The following PCDHA9 variants were observed in gnomAD, a reference collection of about 807,000 sequenced individuals.
The protein encoded by PCDHA9 is protocadherin alpha-9.
PCDHA9 carries 62 observed loss-of-function variants against 62.0 expected under a neutral mutation model. That is an observed-to-expected ratio of 1.00 (90% CI 0.81 to 1.23). The LOEUF (loss-of-function observed/expected upper bound fraction) is 1.23. Among genes scored for constraint, PCDHA9 ranks in the 50% most tolerant of loss-of-function variants. The probability of loss-of-function intolerance (pLI) is 0.00; values close to 1 mark genes in which losing one functional copy is unlikely to be tolerated. For missense variants in PCDHA9, 1,205 were observed against 1,249.8 expected (o/e 0.96, Z 0.54); for synonymous variants, 557 against 567.6 (o/e 0.98, Z 0.27).
In PCDHA9 at chr5:141,010,032, T is replaced by C. The variant is rs529237892; in HGVS notation, c.*95T>C. 6.3e-7 allele frequency: 1 copy of C among 1,582,368 alleles called. No individual in the cohort carries two copies. Among genetic ancestry groups the C allele is most frequent in the African/African-American group, 1.4e-5 (1 of 73,468 alleles). On this transcript the variant is annotated 3_prime_UTR_variant, in exon 4 of 4. Transcript: ENST00000532602. ...TCCCTGCTCCTTTTTCCTATCTACA[T>C]GAGCCCTCTTAGAGACCTCAGAAAT...
intron 1 of PCDHA9, among the ~76,000 whole-genome samples, chr5:140,890,620 A>G (rs1554184472): frequency 6.6e-6 from 1 of 152,196 alleles, no homozygotes; most frequent in East Asian, 1.9e-4. Flanking sequence ...TTACCCTAGA[A>G]AATTAAGCAT....
At chr5:140,901,474 T>C (rs2068694853) in intron 1 of PCDHA9, among the ~76,000 whole-genome samples, 1 of 152,216 alleles carries the variant, frequency 6.6e-6, no homozygotes, top group Admixed American at 6.5e-5. Context: ...CTCGAGTTTA[T>C]GTTCTTGGCA....
intron 1 of PCDHA9, among the ~76,000 whole-genome samples, chr5:140,906,616 T>G (rs1339811951): frequency 6.6e-6 from 1 of 152,228 alleles, no homozygotes. Flanking sequence ...GTATTCCCTT[T>G]GCCTTCAGCA....
rs180683275 is a variant in PCDHA9 at position 140,985,540 on chromosome 5, T to C, written c.2542+2977T>C. 7.6e-3 allele frequency among the ~76,000 whole-genome samples: 1,162 copies of C among 152,268 alleles called. 7 individuals are homozygous for C. The highest frequency in any genetic ancestry group is 0.012 in the Non-Finnish European group (785 of 68,010). On this transcript the variant is annotated intron_variant, in intron 3 of 3. Coordinates refer to ENST00000532602, the MANE Select transcript of PCDHA9 (RefSeq NM_031857.2). ...TGCCCTTAAAGCTTCACGGTGAAGATGCAGTTGCTTCCAAAAGGCTTCTTT... is the reference window on the plus strand; with the variant it reads ...TGCCCTTAAAGCTTCACGGTGAAGACGCAGTTGCTTCCAAAAGGCTTCTTT...
intron 1 of PCDHA9, among the ~76,000 whole-genome samples, chr5:140,875,095 G>A (rs2055270565): frequency 6.6e-6 from 1 of 152,156 alleles, no homozygotes; most frequent in Non-Finnish European, 1.5e-5. Context: ...AATTGTTGAT[G>A]TTTTGTTACT....
chr5:141,009,601 A>T (rs1223112014), intron 3 of PCDHA9, 26 bp from the exon 4 acceptor site: 6 of 1,607,482 alleles, frequency 3.7e-6, no homozygotes, highest in Non-Finnish European at 5.1e-6. Flanking sequence ...GACCCTGTTA[A>T]TGATTTGTAA....
At chr5:140,899,884 T>C (rs1467670856) in intron 1 of PCDHA9, among the ~76,000 whole-genome samples, 17 of 152,152 alleles carry the variant, frequency 1.1e-4, no homozygotes, top group African/African-American at 3.9e-4. Flanking sequence ...CAGAACTCAG[T>C]GCAGCCTTGA....
chr5:140,882,882 T>C (rs1554175954), intron 1 of PCDHA9: 2 of 1,614,206 alleles, frequency 1.2e-6, no homozygotes, highest in Non-Finnish European at 1.7e-6. Context: ...AGAGAGGAAA[T>C]TCAGGAACAT....
chr5:140,963,873 C>A (rs757553114), intron 1 of PCDHA9, among the ~76,000 whole-genome samples: 5 of 152,188 alleles, frequency 3.3e-5, no homozygotes, highest in Non-Finnish European at 5.9e-5. Flanking sequence ...GTTTTGCTTA[C>A]TATTGTTTTC....
At position 140,983,424 on chromosome 5, in the gene PCDHA9, A is replaced by G. The variant is rs115903969; in HGVS notation, c.2542+861A>G. On this transcript the variant is annotated intron_variant, in intron 3 of 3. Transcript: ENST00000532602. ...GGAAGATTAAGTGTTGGTAGAGACC[A>G]CAAATTGTGTCTACTCTAATCCTCT... Among the ~76,000 whole-genome samples, 1,234 of 152,366 alleles carry G rather than the reference A, an allele frequency of 8.1e-3. 22 individuals are homozygous for G. Among genetic ancestry groups the G allele is most frequent in the African/African-American group, 0.028 (1,160 of 41,578 alleles).
chr5:140,901,852 T>G (rs1184166361), intron 1 of PCDHA9, among the ~76,000 whole-genome samples: 3 of 152,206 alleles, frequency 2.0e-5, no homozygotes, highest in Non-Finnish European at 4.4e-5. Flanking sequence ...TCTTTCCATT[T>G]TTTTGTGTCC....
chr5:140,884,385 C>T (rs1554181508), intron 1 of PCDHA9: 1 of 1,613,992 alleles, frequency 6.2e-7, no homozygotes, highest in Non-Finnish European at 8.5e-7. Context: ...GCCATCTGCG[C>T]GGTGTCCAGC....
rs80155737 is a variant in PCDHA9, at chr5:140,924,458, T to C, written c.2395-54491T>C. Among the ~76,000 whole-genome samples, 1,228 of 152,310 alleles carry C rather than the reference T, an allele frequency of 8.1e-3. 6 individuals are homozygous for C. Among genetic ancestry groups the C allele is most frequent in the African/African-American group, 0.019 (794 of 41,566 alleles). On this transcript the variant is annotated intron_variant, in intron 1 of 3. Coordinates refer to ENST00000532602, the MANE Select transcript of PCDHA9 (RefSeq NM_031857.2). The stretch of plus-strand genomic sequence containing the variant: ...GAGATAACGAATGGGTTTGTGTGTT[T>C]AGGGAGGTAACTGGTTTTTAGTGGA...
At position 141,001,667 on chromosome 5, in the gene PCDHA9, A is replaced by G. The variant is rs949508860; in HGVS notation, c.2543-7960A>G. ...GTGTGGGAGAAGGCGGAGCTTGTCC[A>G]GTCGGTCCAACAAACCCCACAGATG... is the stretch of plus-strand genomic sequence containing the variant. On this transcript the variant is annotated intron_variant, in intron 3 of 3. Coordinates refer to ENST00000532602, the MANE Select transcript of PCDHA9 (RefSeq NM_031857.2). Among the ~76,000 whole-genome samples, 9 of 152,268 alleles carry G rather than the reference A, an allele frequency of 5.9e-5. 1 individual carries two copies. In the East Asian group the frequency reaches 1.7e-3, roughly 29 times the overall value.
intron 1 of PCDHA9, chr5:140,869,187 C>G (rs782446170): frequency 2.5e-6 from 4 of 1,613,830 alleles, no homozygotes; most frequent in African/African-American, 1.3e-5. Flanking sequence ...AGGTGGGGAG[C>G]GGCCAGCTCC....
At position 140,870,817 on chromosome 5, in the gene PCDHA9, G is replaced by C. The variant is rs782095168; in HGVS notation, c.2394+19928G>C. On this transcript the variant is annotated intron_variant, in intron 1 of 3. Coordinates refer to ENST00000532602, the MANE Select transcript of PCDHA9 (RefSeq NM_031857.2). ...ACTGCTGGCGACTCAGGCTGGCAGCGCGGGAGGCGCAGTTAACAAGCTAGT... is the reference window on the plus strand; with the variant it reads ...ACTGCTGGCGACTCAGGCTGGCAGCCCGGGAGGCGCAGTTAACAAGCTAGT... The C allele has an allele frequency of 9.9e-6, 16 of 1,613,726 alleles. No individual in the cohort carries two copies. In the South Asian group the frequency reaches 1.3e-4, roughly 13 times the overall value.
Position 140,850,528 on chromosome 5 carries a change from C to T in PCDHA9, c.2033C>T (p.Ser678Leu), listed in dbSNP as rs1228882569. 1 of 1,598,306 alleles carries T rather than the reference C, an allele frequency of 6.3e-7. No homozygotes were observed. The highest frequency in any genetic ancestry group is 1.3e-5 in the African/African-American group (1 of 74,470). ...GTGGAGAGCGGCCAGGCGCCAAAGT[C>T]ATCGTCGCGGGCGTCAGTGGGTGCC... The part of the protein sequence containing the change: ...SLVESGQAPK[S>L]SSRASVGATG... Residue 678 changes from serine to leucine, a missense_variant, in exon 1 of 4, where the codon TCA becomes TTA. Transcript: ENST00000532602.
At position 140,857,279 on chromosome 5, in the gene PCDHA9, G is replaced by A. The variant is rs782434219; in HGVS notation, c.2394+6390G>A. 6 of 1,598,610 alleles carry A rather than the reference G, an allele frequency of 3.8e-6. No homozygotes were observed. Among genetic ancestry groups the A allele is most frequent in the Admixed American group, 1.7e-5 (1 of 59,324 alleles). Reference sequence around the variant, plus strand: ...TTACTACTCATTGGTGCTGGACAGCGCTCTGGACCGCGAGAGGGTGTCGGC... The same window carrying A: ...TTACTACTCATTGGTGCTGGACAGCACTCTGGACCGCGAGAGGGTGTCGGC... On this transcript the variant is annotated intron_variant, in intron 1 of 3. Coordinates refer to ENST00000532602, the MANE Select transcript of PCDHA9 (RefSeq NM_031857.2).
chr5:140,888,343 G>C (rs1476390329), intron 1 of PCDHA9, among the ~76,000 whole-genome samples: 1 of 152,152 alleles, frequency 6.6e-6, no homozygotes, highest in Admixed American at 6.5e-5. Context: ...ATTACAACTA[G>C]GGAATTGCTA....
Sources: gnomAD v4.1 joint callset for allele counts (sites outside exome capture counted in the v4.1 genomes callset) on GRCh38, gnomAD v4.1.1 for gene constraint, MANE v1.5 for transcripts, NCBI Gene and HGNC (gene_info 2026-07-23, HGNC 2026-07-21) for gene names.